Variants in UNC5C observed in about 807,000 individuals in gnomAD.
UNC5C encodes the protein unc-5 netrin receptor C, also known as netrin receptor UNC5C.
Under a neutral mutation model 99.8 loss-of-function variants are expected in UNC5C, and 47 were observed. The ratio of observed to expected loss-of-function variants is 0.47; its 90% CI spans 0.37 to 0.60. UNC5C has a LOEUF of 0.60. Among genes scored for constraint, UNC5C ranks in the 20% least tolerant of loss-of-function variants. The pLI, the probability that UNC5C is intolerant of heterozygous loss-of-function variation, is 0.00. For missense variants in UNC5C, 1,062 were observed against 1,165.9 expected (o/e 0.91, Z 1.30); for synonymous variants, 487 against 452.2 (o/e 1.08, Z -0.98).
intron 9 of UNC5C, among the ~76,000 whole-genome samples, chr4:95,218,400 C>T (rs185207481): frequency 6.6e-6 from 1 of 152,252 alleles, no homozygotes; most frequent in East Asian, 1.9e-4. Context: ...TACAAAAGCA[C>T]ACCTGATGAA....
At chr4:95,513,495 C>T (rs1382532437) in intron 1 of UNC5C, among the ~76,000 whole-genome samples, 1 of 152,164 alleles carries the variant, frequency 6.6e-6, no homozygotes, top group Non-Finnish European at 1.5e-5. Context: ...CCTTTCCCCT[C>T]ATTAATAGAC....
chr4:95,280,713 A>AACAACAAC, intron 3 of UNC5C, among the ~76,000 whole-genome samples: 1 of 152,104 alleles, frequency 6.6e-6, no homozygotes, highest in Admixed American at 6.6e-5. Flanking sequence ...CAACAACAAG[A>AACAACAAC]AATGAACATT....
intron 1 of UNC5C, among the ~76,000 whole-genome samples, chr4:95,449,323 G>T (rs1747214997): frequency 1.3e-5 from 2 of 152,118 alleles, no homozygotes; most frequent in African/African-American, 4.8e-5. Context: ...CAAAATTCCA[G>T]GCCTTTCATG....
At chr4:95,342,153 T>A (rs1743602422) in intron 1 of UNC5C, among the ~76,000 whole-genome samples, 1 of 152,098 alleles carries the variant, frequency 6.6e-6, no homozygotes, top group Admixed American at 6.5e-5. Context: ...TTGGGGAACA[T>A]GCTACCTAGT....
At chr4:95,176,160 G>C (rs1194556288) in intron 14 of UNC5C, among the ~76,000 whole-genome samples, 4 of 151,536 alleles carry the variant, frequency 2.6e-5, no homozygotes, top group Non-Finnish European at 4.4e-5. Context: ...TTTTTTCAAA[G>C]TTTTCAACTT....
chr4:95,444,070 G>A (rs2149464573), intron 1 of UNC5C, among the ~76,000 whole-genome samples: 1 of 152,248 alleles, frequency 6.6e-6, no homozygotes, highest in Non-Finnish European at 1.5e-5. Flanking sequence ...ATGGTCTCCT[G>A]AATATCCTTT....
chr4:95,415,291 T>C (rs1746128783), intron 1 of UNC5C, among the ~76,000 whole-genome samples: 1 of 152,104 alleles, frequency 6.6e-6, no homozygotes, highest in Non-Finnish European at 1.5e-5. Context: ...TACTTCAAAG[T>C]TCCCAAATAC....
At chr4:95,428,833 A>G (rs1341685867) in intron 1 of UNC5C, among the ~76,000 whole-genome samples, 1 of 152,104 alleles carries the variant, frequency 6.6e-6, no homozygotes, top group African/African-American at 2.4e-5. Context: ...GGGCAAACCC[A>G]GCAATTCTAT....
intron 1 of UNC5C, among the ~76,000 whole-genome samples, chr4:95,483,340 A>G (rs1721226453): frequency 6.6e-6 from 1 of 151,776 alleles, no homozygotes; most frequent in African/African-American, 2.4e-5. Context: ...TTTTTATGTT[A>G]TCTTTAACTC....
At chr4:95,282,524 A>T (rs1741095701) in intron 3 of UNC5C, among the ~76,000 whole-genome samples, 1 of 152,252 alleles carries the variant, frequency 6.6e-6, no homozygotes, top group African/African-American at 2.4e-5. Context: ...ATTTTATTTA[A>T]CATGTACACA....
intron 1 of UNC5C, among the ~76,000 whole-genome samples, chr4:95,414,989 A>G (rs1746119133): frequency 6.6e-6 from 1 of 152,196 alleles, no homozygotes; most frequent in African/African-American, 2.4e-5. Flanking sequence ...TTTACTCATC[A>G]TATTAAATTC....
chr4:95,193,446 C>T (rs1737239757), intron 12 of UNC5C, among the ~76,000 whole-genome samples: 1 of 152,136 alleles, frequency 6.6e-6, no homozygotes, highest in Non-Finnish European at 1.5e-5. Flanking sequence ...TTCTGGGACA[C>T]AGACACAAAG....
At chr4:95,169,503 C>T in intron 15 of UNC5C, 104 bp from the exon 16 acceptor site, 1 of 1,320,034 alleles carries the variant, frequency 7.6e-7, no homozygotes, top group East Asian at 2.4e-5. Context: ...GTTTCCTGGT[C>T]CCATTGTGGC....
chr4:95,240,277 G>T (rs1739281807), intron 7 of UNC5C, among the ~76,000 whole-genome samples: 1 of 152,018 alleles, frequency 6.6e-6, no homozygotes, highest in Admixed American at 6.6e-5. Flanking sequence ...CAAAATAATG[G>T]CCAAACAATA....
chr4:95,207,206 T>C (rs1215746620), intron 10 of UNC5C, among the ~76,000 whole-genome samples: 1 of 152,188 alleles, frequency 6.6e-6, no homozygotes, highest in African/African-American at 2.4e-5. Flanking sequence ...TTTTGTGGTT[T>C]CAGGACCTGA....
intron 13 of UNC5C, 32 bp downstream of exon 13, chr4:95,185,015 T>C: frequency 1.9e-6 from 3 of 1,595,262 alleles, no homozygotes; most frequent in Non-Finnish European, 1.7e-6. Context: ...TAGAGATGTC[T>C]CCAGACCTTT....
At chr4:95,435,453 A>C (rs569460814) in intron 1 of UNC5C, among the ~76,000 whole-genome samples, 1 of 152,128 alleles carries the variant, frequency 6.6e-6, no homozygotes, top group Admixed American at 6.6e-5. Flanking sequence ...AAAAACATGA[A>C]TTACTAACAG....
intron 12 of UNC5C, among the ~76,000 whole-genome samples, chr4:95,189,945 G>T (rs372411495): frequency 6.6e-6 from 1 of 152,094 alleles, no homozygotes; most frequent in African/African-American, 2.4e-5. Context: ...ATTCCTCAGG[G>T]ATCTAGAACT....
At chr4:95,181,165 C>T (rs1342675289) in intron 14 of UNC5C, among the ~76,000 whole-genome samples, 1 of 152,206 alleles carries the variant, frequency 6.6e-6, no homozygotes, top group East Asian at 1.9e-4. Context: ...TCCCCGCCCT[C>T]AGTTAAATAT....
Sources: gnomAD v4.1 joint callset for allele counts (sites outside exome capture counted in the v4.1 genomes callset) on GRCh38, gnomAD v4.1.1 for gene constraint, MANE v1.5 for transcripts, NCBI Gene and HGNC (gene_info 2026-07-23, HGNC 2026-07-21) for gene names.